The following OSBPL1A variants were observed in gnomAD, a reference collection of about 807,000 sequenced individuals.
OSBPL1A encodes oxysterol binding protein like 1A, also known as oxysterol-binding protein-related protein 1.
OSBPL1A carries 80 observed loss-of-function variants against 137.1 expected under a neutral mutation model. The observed-to-expected ratio is 0.58, with a 90% CI of 0.49 to 0.70. The LOEUF (loss-of-function observed/expected upper bound fraction) is 0.70. Ranked by LOEUF, OSBPL1A falls within the 30% of genes least tolerant of loss-of-function variation. The pLI, the probability that OSBPL1A is intolerant of heterozygous loss-of-function variation, is 0.00. For synonymous variants in OSBPL1A, 365 were observed against 389.7 expected (o/e 0.94, Z 0.75); for missense variants, 970 against 1,129.4 (o/e 0.86, Z 2.02).
chr18:24,351,347 C>CAAAAAAAAAAAAAAAAAAAAAAAA (rs1172514692), intron 4 of OSBPL1A, among the ~76,000 whole-genome samples: 19 of 35,768 alleles, frequency 5.3e-4, no homozygotes, highest in Non-Finnish European at 6.2e-4. Flanking sequence ...GACTCTGTCT[C>CAAAAAAAAAAAAAAAAAAAAAAAA]AAAAAAAAAA....
chr18:24,233,969 A>G (rs2088362805), intron 16 of OSBPL1A, among the ~76,000 whole-genome samples: 1 of 152,174 alleles, frequency 6.6e-6, no homozygotes, highest in Admixed American at 6.5e-5. Flanking sequence ...TTACAAACAA[A>G]ACACAAGGAG....
intron 14 of OSBPL1A, among the ~76,000 whole-genome samples, chr18:24,295,928 T>C (rs1024514965): frequency 2.6e-5 from 4 of 152,098 alleles, no homozygotes; most frequent in African/African-American, 9.7e-5. Context: ...TAATTTAAAG[T>C]CCAATAATGT....
intron 13 of OSBPL1A, 126 bp from the exon 14 acceptor site, chr18:24,303,844 A>T: frequency 1.5e-6 from 1 of 652,394 alleles, no homozygotes; most frequent in Non-Finnish European, 2.6e-6. Context: ...CATATGCCTT[A>T]AAGAAAAGAA....
intron 18 of OSBPL1A, among the ~76,000 whole-genome samples, chr18:24,193,241 C>A (rs2086937430): frequency 6.6e-6 from 1 of 152,140 alleles, no homozygotes; most frequent in South Asian, 2.1e-4. Context: ...AATCCCAGCA[C>A]TTTTGGAAGC....
rs199780173 is a variant in OSBPL1A, at chr18:24,345,327, G to GA, written c.283-3670dup. Among the ~76,000 whole-genome samples, 1,127 of 152,160 alleles carry GA rather than the reference G, an allele frequency of 7.4e-3. 19 individuals are homozygous for GA. Among genetic ancestry groups the GA allele is most frequent in the African/African-American group, 0.026 (1,082 of 41,502 alleles). On this transcript the variant is annotated intron_variant, in intron 4 of 27. Transcript: ENST00000319481. ...GTATATAAACCACTGCCGACCTTTG[G>GA]AAAAAAATTAAGTTAACTGGGAGAG...
At chr18:24,313,252 C>T (rs897205931) in intron 12 of OSBPL1A, among the ~76,000 whole-genome samples, 1 of 151,670 alleles carries the variant, frequency 6.6e-6, no homozygotes, top group African/African-American at 2.4e-5. Flanking sequence ...ACCAGCCTGA[C>T]GAACGTGGTG....
At chr18:24,371,577 T>G (rs1905642780) in intron 2 of OSBPL1A, among the ~76,000 whole-genome samples, 1 of 152,146 alleles carries the variant, frequency 6.6e-6, no homozygotes, top group Non-Finnish European at 1.5e-5. Flanking sequence ...TAGTTGCTGA[T>G]GGGAAGGAGT....
chr18:24,396,224 T>TAA (rs372296881), intron 1 of OSBPL1A, among the ~76,000 whole-genome samples: 4,374 of 139,956 alleles, frequency 0.031, 107 homozygotes, highest in Non-Finnish European at 0.044. Context: ...TGTCTCAATT[T>TAA]AAAAAAAAAA....
intron 1 of OSBPL1A, among the ~76,000 whole-genome samples, chr18:24,395,754 T>C (rs1370350703): frequency 6.6e-6 from 1 of 151,840 alleles, no homozygotes; most frequent in Non-Finnish European, 1.5e-5. Flanking sequence ...CCCAAGTGGC[T>C]GGAATTACAG....
intron 14 of OSBPL1A, among the ~76,000 whole-genome samples, chr18:24,292,737 T>C (rs1194334103): frequency 6.6e-6 from 1 of 152,054 alleles, no homozygotes; most frequent in East Asian, 1.9e-4. Flanking sequence ...GGGTAACAAG[T>C]GCTGAGGGGA....
rs1599499440 is a variant in OSBPL1A at position 24,211,926 on chromosome 18, T to C, written c.1601+13116A>G. Among the ~76,000 whole-genome samples, 3 of 151,112 alleles carry C rather than the reference T, an allele frequency of 2.0e-5. No homozygotes were observed. The South Asian group carries it at 6.3e-4, about 32-fold the overall frequency. On this transcript the variant is annotated intron_variant, in intron 17 of 27. Transcript: ENST00000319481. ...TCCATCTCAAAAAAAAAAAAATCAA[T>C]GCATTCAACAAATATTAACTACATT...
intron 24 of OSBPL1A, among the ~76,000 whole-genome samples, chr18:24,168,035 G>T (rs4800558): frequency 1 from 152,325 of 152,366 alleles, 76,142 homozygotes; most frequent in Non-Finnish European, 1. Flanking sequence ...ATCATCACTC[G>T]TTCCTATAGG....
chr18:24,313,566 G>A (rs2090665361), intron 12 of OSBPL1A, among the ~76,000 whole-genome samples: 1 of 152,096 alleles, frequency 6.6e-6, no homozygotes, highest in African/African-American at 2.4e-5. Context: ...GTGTCAGAAC[G>A]CCTGGCTTGT....
chr18:24,338,229 T>C (rs1361905704), intron 5 of OSBPL1A, among the ~76,000 whole-genome samples: 2 of 150,834 alleles, frequency 1.3e-5, no homozygotes, highest in South Asian at 2.1e-4. Context: ...CTTGCCACCA[T>C]GCCTGGCTAA....
chr18:24,223,585 T>C (rs2087962326), intron 17 of OSBPL1A, among the ~76,000 whole-genome samples: 1 of 152,182 alleles, frequency 6.6e-6, no homozygotes, highest in South Asian at 2.1e-4. Context: ...TAATCTCATC[T>C]TAACTTTCAC....
intron 25 of OSBPL1A, 123 bp downstream of exon 25, chr18:24,167,206 G>A (rs369396871): frequency 4.8e-6 from 4 of 827,990 alleles, no homozygotes; most frequent in East Asian, 2.5e-5. Context: ...GGGAGCCAGT[G>A]GGGGCTCAGG....
chr18:24,244,777 C>G (rs1388369731), intron 15 of OSBPL1A, among the ~76,000 whole-genome samples: 1 of 152,226 alleles, frequency 6.6e-6, no homozygotes, highest in South Asian at 2.1e-4. Flanking sequence ...CAGTCATGTG[C>G]TAGCCAGCTA....
rs759156652 is a variant in OSBPL1A, at chr18:24,318,701, A to AT, written c.687+46dup. On this transcript the variant is annotated intron_variant, in intron 8 of 27. Transcript: ENST00000319481. The stretch of plus-strand genomic sequence containing the variant: ...ATCTACATATTTCAAACATTCAAAA[A>AT]TTTTTTTCTAAAAATTATTAGATAA... 3.8e-6 allele frequency: 6 copies of AT among 1,593,624 alleles called. No homozygotes were observed. In the African/African-American group the frequency reaches 6.8e-5, roughly 18 times the overall value.
intron 15 of OSBPL1A, among the ~76,000 whole-genome samples, chr18:24,257,165 A>T (rs1343507034): frequency 6.6e-6 from 1 of 152,148 alleles, no homozygotes; most frequent in Non-Finnish European, 1.5e-5. Flanking sequence ...GACCCAAAAT[A>T]GCCAAAAGTA....
Sources: gnomAD v4.1 joint callset for allele counts (sites outside exome capture counted in the v4.1 genomes callset) on GRCh38, gnomAD v4.1.1 for gene constraint, MANE v1.5 for transcripts, NCBI Gene and HGNC (gene_info 2026-07-23, HGNC 2026-07-21) for gene names.